TJP1: variants seen among roughly 807,000 people sequenced by gnomAD.
The protein encoded by TJP1 is tight junction protein 1, also known as tight junction protein ZO-1.
TJP1 carries 43 observed loss-of-function variants against 194.2 expected under a neutral mutation model. That is an observed-to-expected ratio of 0.22 (90% CI 0.17 to 0.29). The LOEUF is 0.29. Ranked by LOEUF, TJP1 falls within the 10% of genes least tolerant of loss-of-function variation. The probability of loss-of-function intolerance (pLI) is 1.00; values close to 1 mark genes in which losing one functional copy is unlikely to be tolerated. For synonymous variants in TJP1, 801 were observed against 779.0 expected (o/e 1.03, Z -0.47); for missense variants, 1,971 against 2,185.7 (o/e 0.90, Z 1.96).
intron 2 of TJP1, among the ~76,000 whole-genome samples, chr15:29,897,184 C>T (rs1264021631): frequency 2.0e-5 from 3 of 152,200 alleles, no homozygotes; most frequent in Non-Finnish European, 4.4e-5. Context: ...CCAGGGTCCC[C>T]ATACTGTGTG....
chr15:29,777,830 T>C (rs1241311610), intron 2 of TJP1, among the ~76,000 whole-genome samples: 2 of 152,160 alleles, frequency 1.3e-5, no homozygotes, highest in African/African-American at 2.4e-5. Flanking sequence ...CTGTTTGTAA[T>C]TGCAAAATGC....
At chr15:29,737,534 C>T in intron 10 of TJP1, 120 bp from the exon 11 acceptor site, 1 of 1,043,650 alleles carries the variant, frequency 9.6e-7, no homozygotes, top group Non-Finnish European at 1.3e-6. Context: ...AAACTTCTCT[C>T]ATACCACTAT....
intron 2 of TJP1, among the ~76,000 whole-genome samples, chr15:29,799,739 A>T (rs1386700833): frequency 6.6e-6 from 1 of 152,188 alleles, no homozygotes; most frequent in Non-Finnish European, 1.5e-5. Flanking sequence ...TTTAATAATT[A>T]ATTTACCCAT....
intron 2 of TJP1, among the ~76,000 whole-genome samples, chr15:29,854,705 T>C (rs1376977134): frequency 6.6e-6 from 1 of 152,138 alleles, no homozygotes; most frequent in Non-Finnish European, 1.5e-5. Flanking sequence ...ACAGGAACAG[T>C]TTGACTCCCT....
At chr15:29,733,073 G>C in intron 13 of TJP1, 21 bp downstream of exon 13, 2 of 1,603,520 alleles carry the variant, frequency 1.2e-6, no homozygotes, top group Non-Finnish European at 1.7e-6. Context: ...CACTCTATGA[G>C]AAGTATCCAA....
chr15:29,773,356 G>A lies in TJP1; in HGVS notation c.86C>T (p.Ala29Val). ...WEQHTVTLHRAPGFGFGIAIS... is the reference protein window; with the variant it reads ...WEQHTVTLHRVPGFGFGIAIS... The stretch of plus-strand genomic sequence containing the variant: ...TGCAATTCCAAATCCAAATCCAGGA[G>A]CCTAAAGTAAAAATTACAGTAAAAT... Residue 29 changes from alanine to valine, a missense_variant and splice_region_variant, in exon 3 of 28, where the codon GCT becomes GTT. Physicochemically the swap from Ala to Val is moderately conservative, Grantham distance 64. Around this residue, in one of 5 missense-constraint regions of TJP1, gnomAD observed 245 missense variants for 336.6 expected, o/e 0.73. Coordinates refer to ENST00000614355, the MANE Select transcript of TJP1 (RefSeq NM_001330239.4). 1 of 1,613,252 alleles carries A rather than the reference G, an allele frequency of 6.2e-7. No individual in the cohort carries two copies. Among genetic ancestry groups the A allele is most frequent in the Non-Finnish European group, 8.5e-7 (1 of 1,179,530 alleles).
rs2043879465 is a variant in TJP1 at position 29,734,384 on chromosome 15, TAATA to T, written c.1408-6_1408-3del. The T allele has an allele frequency of 1.3e-6, 2 of 1,595,702 alleles. No individual in the cohort carries two copies. Among genetic ancestry groups the T allele is most frequent in the Admixed American group, 1.7e-5 (1 of 58,572 alleles). On this transcript the variant is annotated splice_region_variant and splice_polypyrimidine_tract_variant and intron_variant, in intron 11 of 27. Transcript: ENST00000614355. ...ATTTGTAAAATCTACGTTGTTTACCTAATAAATAAGATTTCATAAATCATTCTTG... is the reference window on the plus strand; with the variant it reads ...ATTTGTAAAATCTACGTTGTTTACCTAATAAGATTTCATAAATCATTCTTG...
chr15:29,821,032 G>C (rs561877010), intron 1 of TJP1, among the ~76,000 whole-genome samples: 17 of 152,250 alleles, frequency 1.1e-4, no homozygotes, highest in African/African-American at 4.1e-4. Flanking sequence ...GATACTATTT[G>C]AAGTAATGAA....
intron 2 of TJP1, among the ~76,000 whole-genome samples, chr15:29,906,468 A>AAAATAAAT (rs71103415): frequency 0.23 from 32,395 of 138,704 alleles, 4,235 homozygotes; most frequent in African/African-American, 0.35. Context: ...ACTCCGTCTC[A>AAAATAAAT]AAATAAATAA....
chr15:29,749,408 T>A (rs147795663), intron 8 of TJP1, among the ~76,000 whole-genome samples: 2 of 152,210 alleles, frequency 1.3e-5, no homozygotes, highest in Non-Finnish European at 2.9e-5. Flanking sequence ...AGTAACATGC[T>A]GTTTCAAGTA....
chr15:29,747,487 T>C (rs1308625548), intron 8 of TJP1, among the ~76,000 whole-genome samples: 1 of 152,034 alleles, frequency 6.6e-6, no homozygotes, highest in African/African-American at 2.4e-5. Context: ...ATATGATTAA[T>C]ATATTATAAA....
intron 1 of TJP1, among the ~76,000 whole-genome samples, chr15:29,816,410 T>C (rs2049927615): frequency 6.6e-6 from 1 of 152,188 alleles, no homozygotes; most frequent in South Asian, 2.1e-4. Context: ...ATAACTATCT[T>C]ATGAAGCTGT....
At chr15:29,814,102 T>C (rs188866067) in intron 1 of TJP1, among the ~76,000 whole-genome samples, 159 of 152,322 alleles carry the variant, frequency 1.0e-3, no homozygotes, top group African/African-American at 3.5e-3. Flanking sequence ...CTTACATCAA[T>C]GTATCCAGAT....
At chr15:29,798,460 T>C (rs1304686224) in intron 2 of TJP1, among the ~76,000 whole-genome samples, 1 of 152,162 alleles carries the variant, frequency 6.6e-6, no homozygotes, top group African/African-American at 2.4e-5. Flanking sequence ...GAGCATTTCC[T>C]TTAAACATGA....
chr15:29,700,694 G>C lies in TJP1; in HGVS notation c.*901C>G. On this transcript the variant is annotated 3_prime_UTR_variant, in exon 28 of 28. Coordinates refer to ENST00000614355, the MANE Select transcript of TJP1 (RefSeq NM_001330239.4). ...AAATTTTCAAATGCATAGCCAGAAA[G>C]AACAGAAAACCACCACTGCCCCTTG... 4 of 178,150 alleles carry C rather than the reference G, an allele frequency of 2.2e-5. No homozygotes were observed. The highest frequency in any genetic ancestry group is 3.0e-5 in the Non-Finnish European group (3 of 101,586). The allele number at this position is 178,150 out of a possible 1,614,324, so 11.0% of individuals were successfully genotyped here. A position where few individuals can be genotyped will look rare whatever the true frequency, so the allele number is the denominator to read the frequency against.
chr15:29,871,436 G>T (rs937027957), intron 2 of TJP1, among the ~76,000 whole-genome samples: 4 of 152,192 alleles, frequency 2.6e-5, no homozygotes, highest in African/African-American at 9.6e-5. Flanking sequence ...TGATTTGCCC[G>T]TGTAGCCCCC....
intron 27 of TJP1, among the ~76,000 whole-genome samples, chr15:29,703,646 C>CA (rs1162450704): frequency 2.6e-5 from 4 of 151,242 alleles, no homozygotes; most frequent in African/African-American, 7.3e-5. Context: ...GCCATATTAT[C>CA]AAAAAAAAAT....
intron 2 of TJP1, among the ~76,000 whole-genome samples, chr15:29,918,497 G>C (rs2054257191): frequency 6.6e-6 from 1 of 152,164 alleles, no homozygotes; most frequent in Non-Finnish European, 1.5e-5. Flanking sequence ...TACTGTGGGG[G>C]ACCAAGGCGG....
At chr15:29,919,873 T>C (rs1014335583) in intron 2 of TJP1, among the ~76,000 whole-genome samples, 2 of 129,436 alleles carry the variant, frequency 1.5e-5, no homozygotes, top group Non-Finnish European at 3.2e-5. Context: ...TGGGGCCCTA[T>C]TGGGCCAGTC....
Sources: allele counts gnomAD v4.1 joint callset (sites outside exome capture counted in the v4.1 genomes callset), GRCh38; gene constraint gnomAD v4.1.1; regional missense constraint gnomAD v4.1.1; transcripts MANE v1.5; gene names NCBI Gene and HGNC (gene_info 2026-07-23, HGNC 2026-07-21).